ADK: variants seen among roughly 807,000 people sequenced by gnomAD.
ADK encodes the protein N6,N6-dimethyladenosine kinase.
In ADK, 24 loss-of-function variants were observed where a neutral mutation model predicts 44.7. That is an observed-to-expected ratio of 0.54 (90% CI 0.39 to 0.76). The LOEUF is 0.76. Among genes scored for constraint, ADK ranks in the 30% least tolerant of loss-of-function variants. The pLI is 0.00. For missense variants in ADK, 321 were observed against 425.1 expected, an observed-to-expected ratio of 0.76 and a Z score of 2.15; for synonymous variants, 128 against 142.6, an observed-to-expected ratio of 0.90 and a Z score of 0.73.
In ADK at chr10:74,429,860, C is replaced by T. The variant is rs376436714; in HGVS notation, c.555+31281C>T. ...TACCAGATAGTGTTATACTGTGAAT[C>T]GGGAGCATATGTTAAAATAGACAAT... On this transcript the variant is annotated intron_variant, in intron 6 of 10. Coordinates refer to ENST00000539909, the MANE Select transcript of ADK (RefSeq NM_006721.4). Among the ~76,000 whole-genome samples, 8 of 152,200 alleles carry T rather than the reference C, an allele frequency of 5.3e-5. No homozygotes were observed. In the South Asian group the frequency reaches 6.2e-4, roughly 12 times the overall value.
chr10:74,377,918 A>G (rs992510898), intron 4 of ADK, among the ~76,000 whole-genome samples: 1 of 152,182 alleles, frequency 6.6e-6, no homozygotes, highest in Non-Finnish European at 1.5e-5. Flanking sequence ...ATTTTACTTT[A>G]TCTCACAAAT....
intron 10 of ADK, among the ~76,000 whole-genome samples, chr10:74,671,537 C>G (rs1480880108): frequency 6.6e-6 from 1 of 152,156 alleles, no homozygotes; most frequent in Admixed American, 6.5e-5. Context: ...TATTTCCTTG[C>G]TCGGAAAGTC....
At chr10:74,351,002 A>G (rs1392369298) in intron 4 of ADK, among the ~76,000 whole-genome samples, 1 of 152,238 alleles carries the variant, frequency 6.6e-6, no homozygotes, top group African/African-American at 2.4e-5. Flanking sequence ...CAGAGGTTCA[A>G]AGAGGAGCTG....
chr10:74,237,456 A>G (rs1377143324), intron 3 of ADK, among the ~76,000 whole-genome samples: 1 of 152,092 alleles, frequency 6.6e-6, no homozygotes, highest in African/African-American at 2.4e-5. Flanking sequence ...GAAGCGCTCA[A>G]AGTCATCCAC....
At chr10:74,162,521 TTGTGTGTGTGTGTG>T (rs10550667) in intron 1 of ADK, among the ~76,000 whole-genome samples, 74 of 141,980 alleles carry the variant, frequency 5.2e-4, no homozygotes, top group East Asian at 2.7e-3. Flanking sequence ...TGCATTTCTT[TTGTGTGTGTGTGTG>T]TGTGTGTGTG....
At chr10:74,441,900 T>A (rs1295690971) in intron 6 of ADK, among the ~76,000 whole-genome samples, 1 of 152,064 alleles carries the variant, frequency 6.6e-6, no homozygotes, top group Non-Finnish European at 1.5e-5. Flanking sequence ...AGGACCTGAA[T>A]AGACATTTTC....
At chr10:74,424,645 T>A (rs1029399173) in intron 6 of ADK, among the ~76,000 whole-genome samples, 3 of 151,846 alleles carry the variant, frequency 2.0e-5, no homozygotes, top group African/African-American at 7.3e-5. Flanking sequence ...CTTTTCTTTA[T>A]AGGATAGCCA....
At chr10:74,317,806 G>A (rs1291490701) in intron 4 of ADK, among the ~76,000 whole-genome samples, 3 of 151,974 alleles carry the variant, frequency 2.0e-5, no homozygotes, top group Middle Eastern at 3.2e-3. Flanking sequence ...GTTTCAAGAC[G>A]GAGTCTCACT....
chr10:74,336,018 CTT>C (rs1841398329), intron 4 of ADK, among the ~76,000 whole-genome samples: 1 of 152,062 alleles, frequency 6.6e-6, no homozygotes, highest in Non-Finnish European at 1.5e-5. Context: ...AGCAGAAGTT[CTT>C]ACAAATTTAT....
intron 3 of ADK, among the ~76,000 whole-genome samples, chr10:74,284,343 T>C (rs1158435458): frequency 4.6e-5 from 7 of 150,822 alleles, no homozygotes; most frequent in Admixed American, 4.6e-4. Context: ...CGGCTCACCG[T>C]GGCCTCTCCC....
chr10:74,179,794 C>G (rs772959690), intron 1 of ADK, among the ~76,000 whole-genome samples: 36 of 152,176 alleles, frequency 2.4e-4, no homozygotes, highest in African/African-American at 8.7e-4. Flanking sequence ...TCTTTGGAAT[C>G]GTCATCCTTT....
chr10:74,706,276 T>C (rs1192888257), intron 10 of ADK, among the ~76,000 whole-genome samples: 4 of 152,134 alleles, frequency 2.6e-5, no homozygotes, highest in Non-Finnish European at 5.9e-5. Flanking sequence ...TGAGACACTG[T>C]CTCAAAAATA....
At chr10:74,702,917 A>G (rs905026954) in intron 10 of ADK, among the ~76,000 whole-genome samples, 2 of 152,098 alleles carry the variant, frequency 1.3e-5, no homozygotes, top group African/African-American at 4.8e-5. Flanking sequence ...TAAATTGTCT[A>G]TTCACAAACT....
At chr10:74,662,580 A>G (rs1236742977) in intron 9 of ADK, among the ~76,000 whole-genome samples, 1 of 152,122 alleles carries the variant, frequency 6.6e-6, no homozygotes, top group Non-Finnish European at 1.5e-5. Flanking sequence ...TGTGCCCAGC[A>G]ATATTTTCAT....
intron 4 of ADK, among the ~76,000 whole-genome samples, chr10:74,377,461 C>G (rs984167371): frequency 2.6e-5 from 4 of 152,162 alleles, no homozygotes; most frequent in Admixed American, 2.0e-4. Context: ...TAACATGTTA[C>G]ATATGTCCCA....
At chr10:74,311,029 T>C (rs1430053980) in intron 3 of ADK, among the ~76,000 whole-genome samples, 2 of 152,214 alleles carry the variant, frequency 1.3e-5, no homozygotes, top group African/African-American at 4.8e-5. Context: ...TGATTTTTCA[T>C]TACAAAACAG....
chr10:74,224,328 G>A (rs1452006118), intron 2 of ADK, among the ~76,000 whole-genome samples: 1 of 152,188 alleles, frequency 6.6e-6, no homozygotes, highest in Non-Finnish European at 1.5e-5. Context: ...TCAAAGCATT[G>A]TTAAGGTGAT....
chr10:74,620,950 T>C (rs1852973403), intron 9 of ADK, among the ~76,000 whole-genome samples: 1 of 152,176 alleles, frequency 6.6e-6, no homozygotes, highest in Admixed American at 6.6e-5. Context: ...TCCTTGTATA[T>C]TCTGGATATT....
At chr10:74,569,186 T>C (rs1850828118) in intron 7 of ADK, among the ~76,000 whole-genome samples, 1 of 152,202 alleles carries the variant, frequency 6.6e-6, no homozygotes, top group South Asian at 2.1e-4. Context: ...TTGTTGGACA[T>C]TTGGGTTGGT....
Sources: gnomAD v4.1 joint callset for allele counts (sites outside exome capture counted in the v4.1 genomes callset) on GRCh38, gnomAD v4.1.1 for gene constraint, MANE v1.5 for transcripts, NCBI Gene and HGNC (gene_info 2026-07-23, HGNC 2026-07-21) for gene names.